The following ITPRIP variants were observed in gnomAD, a reference collection of about 807,000 sequenced individuals.
ITPRIP encodes the protein inositol 1,4,5-trisphosphate receptor interacting protein, also known as inositol 1,4,5-trisphosphate receptor-interacting protein.
A neutral mutation model predicts 35.8 loss-of-function variants in ITPRIP; 32 were observed. The observed-to-expected ratio is 0.89, with a 90% CI of 0.68 to 1.20. The LOEUF (loss-of-function observed/expected upper bound fraction) is 1.20. ITPRIP is among the 50% of genes most tolerant of loss of function. The pLI is 0.00. For synonymous variants in ITPRIP, 358 were observed against 324.0 expected (o/e 1.11, Z -1.13); for missense variants, 653 against 735.6 (o/e 0.89, Z 1.30).
rs890561208 is a variant in ITPRIP, at chr10:104,309,872, T to A, written c.*4536A>T. 6.6e-6 allele frequency: 1 copy of A among 152,230 alleles called. No individual in the cohort carries two copies. The highest frequency in any genetic ancestry group is 1.5e-5 in the Non-Finnish European group (1 of 68,042). 9.4% of individuals were successfully genotyped at this position (152,230 alleles called of 1,614,324 possible). ...GGGACCGTTAGTCTGTTACTTAATT[T>A]TCCTGTTAGTACTTGAATTTTAAAA... On this transcript the variant is annotated 3_prime_UTR_variant, in exon 2 of 2. Transcript: ENST00000337478.
chr10:104,324,715 C>T (rs534265939), intron 1 of ITPRIP, among the ~76,000 whole-genome samples: 112 of 152,272 alleles, frequency 7.4e-4, no homozygotes, highest in African/African-American at 2.6e-3. Flanking sequence ...GGAAAATGAG[C>T]GGGGCTGCAG....
chr10:104,324,974 T>A (rs1175912451), intron 1 of ITPRIP, among the ~76,000 whole-genome samples: 4 of 152,138 alleles, frequency 2.6e-5, no homozygotes, highest in Admixed American at 2.6e-4. Flanking sequence ...TCCCAGCACT[T>A]TGGAAGGCTG....
chr10:104,326,578 C>A lies in ITPRIP; in HGVS notation c.-13-10514G>T, dbSNP rs1038368730. 6.6e-6 allele frequency: 1 copy of A among 152,306 alleles called. No homozygotes were observed. The highest frequency in any genetic ancestry group is 6.5e-5 in the Admixed American group (1 of 15,288). 9.4% of individuals were successfully genotyped at this position (152,306 alleles called of 1,614,324 possible). On this transcript the variant is annotated intron_variant, in intron 1 of 1. Coordinates refer to ENST00000337478, the MANE Select transcript of ITPRIP (RefSeq NM_001272013.2). The surrounding 1 kb of genome is among the most constrained non-coding windows in gnomAD (Gnocchi z 4.8). ...TGCAACCCCTGAGCTCTGGCCCACA[C>A]CTCCTTTTCTCCCACGCGTTCCCTC...
chr10:104,311,023 G>C lies in ITPRIP; in HGVS notation c.*3385C>G, dbSNP rs1358926656. ...GGCCACCTTCTGCTGCCTCTCCTAG[G>C]GAACAGGCTTGGTCCTATTCATTTT... On this transcript the variant is annotated 3_prime_UTR_variant, in exon 2 of 2. Transcript: ENST00000337478. The C allele has an allele frequency of 1.3e-5, 2 of 152,318 alleles. No homozygotes were observed. The highest frequency in any genetic ancestry group is 3.9e-4 in the East Asian group (2 of 5,182). The allele number at this position is 152,318 out of a possible 1,614,324, so 9.4% of individuals were successfully genotyped here. A position where few individuals can be genotyped will look rare whatever the true frequency, so the allele number is the denominator to read the frequency against.
rs776731466 is a variant in ITPRIP, at chr10:104,314,832, C to T, written c.1220G>A (p.Ser407Asn). ...CAGGAAGGATGCTATCTGCAGGCAG[C>T]TGAGGTGGCAGGCGCCCTCGGGCAG... is the stretch of plus-strand genomic sequence containing the variant. ...KALPEGACHL[S>N]CLQIASFLLS... The change falls in exon 2 of 2, where the codon AGC becomes AAC. Residue 407 changes from serine to asparagine, a missense_variant. Coordinates refer to ENST00000337478, the MANE Select transcript of ITPRIP (RefSeq NM_001272013.2). The T allele has an allele frequency of 6.2e-7, 1 of 1,613,890 alleles. No individual in the cohort carries two copies. Among genetic ancestry groups the T allele is most frequent in the Non-Finnish European group, 8.5e-7 (1 of 1,180,024 alleles).
At chr10:104,322,766 TA>T (rs2013887181) in intron 1 of ITPRIP, among the ~76,000 whole-genome samples, 1 of 152,164 alleles carries the variant, frequency 6.6e-6, no homozygotes, top group African/African-American at 2.4e-5. Context: ...GAGTAGCTGA[TA>T]GGTTTCCTTT....
chr10:104,332,537 T>C (rs2014168416), intron 1 of ITPRIP, among the ~76,000 whole-genome samples: 1 of 152,228 alleles, frequency 6.6e-6, no homozygotes, highest in African/African-American at 2.4e-5. Context: ...GAGTCCTCCC[T>C]TTCCTGCCTC....
intron 1 of ITPRIP, among the ~76,000 whole-genome samples, chr10:104,322,593 C>T (rs983896634): frequency 2.0e-5 from 3 of 152,220 alleles, no homozygotes; most frequent in Non-Finnish European, 4.4e-5. Context: ...CCAAACCAGG[C>T]GTCCTCTGGG....
intron 1 of ITPRIP, among the ~76,000 whole-genome samples, chr10:104,329,681 C>A (rs1375335392): frequency 6.6e-6 from 1 of 151,942 alleles, no homozygotes; most frequent in East Asian, 1.9e-4. Flanking sequence ...TAACAGTTTG[C>A]AGAGGCTTAG....
chr10:104,325,713 C>G (rs562904709), intron 1 of ITPRIP, among the ~76,000 whole-genome samples: 1 of 152,212 alleles, frequency 6.6e-6, no homozygotes, highest in Non-Finnish European at 1.5e-5. Flanking sequence ...CCGGGCACCC[C>G]GAGTCCAGCC....
Position 104,315,659 on chromosome 10 carries a change from C to G in ITPRIP, c.393G>C (p.Leu131Phe). 1.2e-6 allele frequency: 2 copies of G among 1,612,410 alleles called. No individual in the cohort carries two copies. Among genetic ancestry groups the G allele is most frequent in the South Asian group, 2.2e-5 (2 of 91,058 alleles). The stretch of plus-strand genomic sequence containing the variant: ...CCTTGTTGGGCAGGGTGAGGCCCTG[C>G]AAGGGGGCGCCCCCCAGCCCAGGCA... ...DELPGLGGAP[L>F]QGLTLPNKAT... The change falls in exon 2 of 2, where the codon TTG becomes TTC. Residue 131 changes from leucine (L) to phenylalanine (F), a missense_variant. Transcript: ENST00000337478. The surrounding 1 kb of genome is among the most constrained non-coding windows in gnomAD (Gnocchi z 5.7).
In ITPRIP at chr10:104,314,919, G is replaced by C. The variant is rs1293639939; in HGVS notation, c.1133C>G (p.Thr378Arg). 5.6e-6 allele frequency: 9 copies of C among 1,613,690 alleles called. No individual in the cohort carries two copies. In the East Asian group the frequency reaches 1.8e-4, roughly 32 times the overall value. ...GACAGCAAAGGACAGGAGCCAGTCT[G>C]TGCTGGAGGCTGGGGTGCCCTCAGA... ...EPSEGTPASS[T>R]DWLLSFAVYE... The change falls in exon 2 of 2, where the codon ACA becomes AGA. Residue 378 changes from threonine to arginine, a missense_variant. By Grantham distance (71) the Thr-to-Arg change is moderately conservative (BLOSUM62 -1). Transcript: ENST00000337478.
At chr10:104,317,917 A>G (rs1260252394) in intron 1 of ITPRIP, among the ~76,000 whole-genome samples, 1 of 152,250 alleles carries the variant, frequency 6.6e-6, no homozygotes, top group Admixed American at 6.5e-5. Context: ...TGACTCAGAC[A>G]GTTCCACCCC....
chr10:104,323,121 A>T (rs1351045236), intron 1 of ITPRIP, among the ~76,000 whole-genome samples: 1 of 152,208 alleles, frequency 6.6e-6, no homozygotes, highest in Non-Finnish European at 1.5e-5. Context: ...GGTGGAGTAG[A>T]AGAGGCAGGC....
In ITPRIP at chr10:104,322,056, G is replaced by A. The variant is rs1302667410; in HGVS notation, c.-13-5992C>T. On this transcript the variant is annotated intron_variant, in intron 1 of 1. Coordinates refer to ENST00000337478, the MANE Select transcript of ITPRIP (RefSeq NM_001272013.2). ...GTCCCCAGACAGAATGAGATGTGGG[G>A]CATAAAAGGCACGTGAGCTACAGGC... Among the ~76,000 whole-genome samples the A allele has an allele frequency of 3.3e-5, 5 of 152,152 alleles. No homozygotes were observed. In the East Asian group the frequency reaches 7.7e-4, roughly 23 times the overall value.
In ITPRIP at chr10:104,324,754, C is replaced by T. The variant is rs188289803; in HGVS notation, c.-13-8690G>A. On this transcript the variant is annotated intron_variant, in intron 1 of 1. Transcript: ENST00000337478. ...ACAGCTGAGAGGAGGGGACACTGGT[C>T]GACTGGATGGCACATGCTTCGTCTG... 1.1e-4 allele frequency among the ~76,000 whole-genome samples: 16 copies of T among 152,312 alleles called. 1 individual carries two copies. The East Asian group carries it at 2.1e-3, about 20-fold the overall frequency.
At position 104,315,366 on chromosome 10, in the gene ITPRIP, G is replaced by T. The variant is rs2013636318; in HGVS notation, c.686C>A (p.Ser229Tyr). The stretch of plus-strand genomic sequence containing the variant: ...GCGATCCAGGGGCACTGAGCGGCCG[G>T]AGCACCAGAGCTCTGGGTGGAAGCG... ...PYRFHPELWCSGRSVPLDRQG... is the reference protein window; with the variant it reads ...PYRFHPELWCYGRSVPLDRQG... The change falls in exon 2 of 2, where the codon TCC becomes TAC. Residue 229 changes from serine to tyrosine, a missense_variant. By Grantham distance (144) the Ser-to-Tyr change is moderately radical. Coordinates refer to ENST00000337478, the MANE Select transcript of ITPRIP (RefSeq NM_001272013.2). The surrounding 1 kb of genome is among the most constrained non-coding windows in gnomAD (Gnocchi z 5.7). The T allele has an allele frequency of 1.3e-6, 2 of 1,562,462 alleles. No individual in the cohort carries two copies. Among genetic ancestry groups the T allele is most frequent in the Non-Finnish European group, 1.7e-6 (2 of 1,151,240 alleles).
rs918575866 is a variant in ITPRIP at position 104,313,882 on chromosome 10, T to C, written c.*526A>G. The stretch of plus-strand genomic sequence containing the variant: ...GTGGCAGCCATGGTGGGACCACTAT[T>C]GTGCAGGATGCGGATCAAAGGTGGA... On this transcript the variant is annotated 3_prime_UTR_variant, in exon 2 of 2. Coordinates refer to ENST00000337478, the MANE Select transcript of ITPRIP (RefSeq NM_001272013.2). 2.0e-6 allele frequency: 2 copies of C among 986,470 alleles called. No homozygotes were observed. Among genetic ancestry groups the C allele is most frequent in the Admixed American group, 1.2e-4 (2 of 16,396 alleles). 61.1% of individuals were successfully genotyped at this position (986,470 alleles called of 1,614,324 possible).
intron 1 of ITPRIP, among the ~76,000 whole-genome samples, chr10:104,316,705 G>A (rs1014906528): frequency 6.6e-6 from 1 of 152,142 alleles, no homozygotes; most frequent in South Asian, 2.1e-4. Flanking sequence ...AGTCACACAA[G>A]TCAATAAAGA....
Sources: allele counts gnomAD v4.1 joint callset (sites outside exome capture counted in the v4.1 genomes callset), GRCh38; gene constraint gnomAD v4.1.1; non-coding constraint Gnocchi (gnomAD v3.1); transcripts MANE v1.5; gene names NCBI Gene and HGNC (gene_info 2026-07-23, HGNC 2026-07-21).